Variants in FGF13 observed in about 807,000 individuals in gnomAD.
The protein encoded by FGF13 is fibroblast growth factor 13.
Under a neutral mutation model 19.5 loss-of-function variants are expected in FGF13, and 2 were observed. That is an observed-to-expected ratio of 0.10 (90% CI 0.04 to 0.32). The LOEUF (loss-of-function observed/expected upper bound fraction) is 0.32, where lower values mean the gene tolerates loss of function less well. Among genes scored for constraint, FGF13 ranks in the 10% least tolerant of loss-of-function variants. The pLI is 1.00. For synonymous variants in FGF13, 72 were observed against 76.9 expected, an observed-to-expected ratio of 0.94 and a Z score of 0.33; for missense variants, 113 against 192.7, an observed-to-expected ratio of 0.59 and a Z score of 2.45.
intron 3 of FGF13, among the ~76,000 whole-genome samples, chrX:138,850,392 G>C: frequency 8.9e-6 from 1 of 111,781 alleles, no homozygotes; most frequent in Non-Finnish European, 1.9e-5. Context: ...CATTGCCATT[G>C]CTGGTTTACT....
exon 3 of FGF13, chrX:138,857,646 T>C: frequency 8.3e-7 from 1 of 1,204,484 alleles, no homozygotes; most frequent in South Asian, 1.8e-5. Context: ...TAACATAATG[T>C]ATTCCTGTGT....
At chrX:138,762,243 G>T (rs2090472682) in intron 3 of FGF13, among the ~76,000 whole-genome samples, 1 of 111,052 alleles carries the variant, frequency 9.0e-6, no homozygotes. Flanking sequence ...ATGTCATTTG[G>T]CTTGATACCA....
intron 1 of FGF13, among the ~76,000 whole-genome samples, chrX:138,935,948 A>G (rs2091729230): frequency 8.9e-6 from 1 of 112,537 alleles, no homozygotes; most frequent in Non-Finnish European, 1.9e-5. Flanking sequence ...GGTTAAATGT[A>G]CAGCCTGGCT....
At chrX:138,702,922 A>C in intron 3 of FGF13, 62 bp downstream of exon 3, 2 of 803,221 alleles carry the variant, frequency 2.5e-6, no homozygotes, top group Non-Finnish European at 3.8e-6. Context: ...TATAAAGCAC[A>C]TTTTCTTTCA....
At chrX:138,659,711 T>C (rs781292912) in intron 3 of FGF13, among the ~76,000 whole-genome samples, 88 of 112,065 alleles carry the variant, frequency 7.9e-4, no homozygotes, top group African/African-American at 2.7e-3. Context: ...ATACACACCA[T>C]GGAATACTAT....
At chrX:139,145,510 C>T (rs2083881022) in intron 1 of FGF13, among the ~76,000 whole-genome samples, 1 of 110,487 alleles carries the variant, frequency 9.1e-6, no homozygotes, top group African/African-American at 3.3e-5. Context: ...TTCATCATGA[C>T]GTCAACCTCC....
At chrX:138,817,635 G>A (rs1478815476) in intron 3 of FGF13, among the ~76,000 whole-genome samples, 1 of 111,773 alleles carries the variant, frequency 8.9e-6, no homozygotes, top group African/African-American at 3.2e-5. Context: ...GTTATAACCT[G>A]TAATGTCTCT....
chrX:138,849,156 T>C (rs1255781624), intron 3 of FGF13, among the ~76,000 whole-genome samples: 1 of 111,582 alleles, frequency 9.0e-6, no homozygotes, highest in Non-Finnish European at 1.9e-5. Context: ...AAGTGTTACT[T>C]GGAAGATGTT....
At position 138,711,052 on chromosome X, in the gene FGF13, T is replaced by C. The variant is rs763409591; in HGVS notation, c.-49A>G. ...CTTCTTTTGCTGCCCCTCTCTGGGT[T>C]CGCCTCCTCCTCCTTCTCCTCCGCT... On this transcript the variant is annotated 5_prime_UTR_variant, in exon 1 of 5. Coordinates refer to ENST00000315930, the MANE Select transcript of FGF13 (RefSeq NM_004114.5). 2.0e-5 allele frequency: 24 copies of C among 1,198,138 alleles called. No individual in the cohort carries two copies. In the South Asian group the frequency reaches 4.1e-4, roughly 21 times the overall value.
At chrX:138,644,001 G>A (rs1312177076) in intron 3 of FGF13, among the ~76,000 whole-genome samples, 2 of 111,682 alleles carry the variant, frequency 1.8e-5, no homozygotes, top group Non-Finnish European at 3.8e-5. Context: ...CTTCAGAGTG[G>A]GATCTAAATC....
At chrX:138,904,066 A>G (rs1603018155) in intron 1 of FGF13, among the ~76,000 whole-genome samples, 1 of 112,246 alleles carries the variant, frequency 8.9e-6, no homozygotes. Flanking sequence ...TTTGGCAGAT[A>G]TGATTGTTCT....
rs1043186319 is a variant in FGF13, at chrX:138,734,944, C to T, written c.28+4298G>A. ...GGCAATTGGATTGGCTGAAGTAGTTCTTGTAGGAAAGGAAGGAGATAAGAC... is the reference window on the plus strand; with the variant it reads ...GGCAATTGGATTGGCTGAAGTAGTTTTTGTAGGAAAGGAAGGAGATAAGAC... On this transcript the variant is annotated intron_variant, in intron 1 of 4. Coordinates refer to the FGF13 transcript ENST00000305414. Among the ~76,000 whole-genome samples the T allele has an allele frequency of 6.3e-5, 7 of 111,353 alleles. No individual in the cohort carries two copies. In the South Asian group the frequency reaches 2.7e-3, roughly 43 times the overall value.
chrX:138,805,574 T>C (rs2090860281), intron 3 of FGF13, among the ~76,000 whole-genome samples: 3 of 111,728 alleles, frequency 2.7e-5, no homozygotes, highest in Non-Finnish European at 5.6e-5. Flanking sequence ...ATCTGCTAAG[T>C]AGTTGGAATG....
chrX:139,135,400 C>T (rs2084230674), intron 1 of FGF13, among the ~76,000 whole-genome samples: 1 of 112,489 alleles, frequency 8.9e-6, no homozygotes, highest in Admixed American at 9.4e-5. Flanking sequence ...AAGTGAAATG[C>T]TGCAAATTGC....
At chrX:138,881,493 T>A (rs968627894) in intron 1 of FGF13, among the ~76,000 whole-genome samples, 11 of 112,042 alleles carry the variant, frequency 9.8e-5, no homozygotes, top group Non-Finnish European at 1.9e-4. Context: ...CATTGTTAAT[T>A]CTTCTTTAAA....
intron 1 of FGF13, among the ~76,000 whole-genome samples, chrX:139,071,816 G>A (rs2092377458): frequency 9.2e-6 from 1 of 108,922 alleles, no homozygotes; most frequent in African/African-American, 3.4e-5. Flanking sequence ...AAGAGATCAA[G>A]ACCATCCTGG....
At chrX:139,132,347 A>T (rs1169223236) in intron 1 of FGF13, among the ~76,000 whole-genome samples, 2 of 111,975 alleles carry the variant, frequency 1.8e-5, no homozygotes, top group Non-Finnish European at 3.8e-5. Context: ...GTTCATATTT[A>T]TGCTTGTTTT....
intron 1 of FGF13, among the ~76,000 whole-genome samples, chrX:138,967,009 T>G (rs2091897742): frequency 9.0e-6 from 1 of 110,866 alleles, no homozygotes; most frequent in Admixed American, 9.6e-5. Context: ...TGATTTTAAG[T>G]TTCCTGAGGT....
At chrX:138,711,764 T>A, upstream of FGF13, 1 of 651,071 alleles carries the variant, frequency 1.5e-6, no homozygotes, top group Non-Finnish European at 1.8e-6. Context: ...CTCCCGGGGC[T>A]GAGCCCGTAG....
Sources: gnomAD v4.1 joint callset for allele counts (sites outside exome capture counted in the v4.1 genomes callset) on GRCh38, gnomAD v4.1.1 for gene constraint, MANE v1.5 for transcripts, NCBI Gene and HGNC (gene_info 2026-07-23, HGNC 2026-07-21) for gene names.